ZBTB38: variants seen among roughly 807,000 people sequenced by gnomAD.
ZBTB38 encodes the protein zinc finger and BTB domain-containing protein 38.
A neutral mutation model predicts 76.8 loss-of-function variants in ZBTB38; 20 were observed. That is an observed-to-expected ratio of 0.26 (90% CI 0.18 to 0.38). The LOEUF (loss-of-function observed/expected upper bound fraction) is 0.38. ZBTB38 is among the 10% of genes least tolerant of loss of function. ZBTB38 has a pLI of 1.00. For synonymous variants in ZBTB38, 504 were observed against 544.2 expected, an observed-to-expected ratio of 0.93 and a Z score of 1.03; for missense variants, 1,082 against 1,482.3, an observed-to-expected ratio of 0.73 and a Z score of 4.43.
At chr3:141,324,351 A>G (rs1485871498) in exon 1 of ZBTB38, 1 of 152,168 alleles carries the variant, frequency 6.6e-6, no homozygotes, top group African/African-American at 2.4e-5. Context: ...AGGGTTATTC[A>G]TGCTAGAGGA....
intron 1 of ZBTB38, among the ~76,000 whole-genome samples, chr3:141,363,411 G>T (rs1943873447): frequency 6.6e-6 from 1 of 152,170 alleles, no homozygotes; most frequent in African/African-American, 2.4e-5. Context: ...AAAATCATAT[G>T]GCAATGCAAG....
chr3:141,377,374 C>T (rs74734425), intron 2 of ZBTB38, among the ~76,000 whole-genome samples: 5,180 of 152,332 alleles, frequency 0.034, 103 homozygotes, highest in Non-Finnish European at 0.044. Context: ...CAGAGCTTAA[C>T]TGCCTTCTTG....
chr3:141,446,116 A>G lies in ZBTB38; in HGVS notation c.*140A>G, dbSNP rs1466791248. ...AAAAAAACTCATTTGTGAAAATTCCAGAAAAAGGATCCTAATATCTACTTT... is the reference window on the plus strand; with the variant it reads ...AAAAAAACTCATTTGTGAAAATTCCGGAAAAAGGATCCTAATATCTACTTT... On this transcript the variant is annotated 3_prime_UTR_variant, in exon 6 of 6. Coordinates refer to ENST00000321464, the MANE Select transcript of ZBTB38 (RefSeq NM_001376113.1). The G allele has an allele frequency of 4.8e-6, 4 of 836,138 alleles. No homozygotes were observed. Among genetic ancestry groups the G allele is most frequent in the East Asian group, 2.9e-5 (1 of 34,570 alleles). The allele number at this position is 836,138 out of a possible 1,614,324, so 51.8% of individuals were successfully genotyped here.
rs997129944 is a variant in ZBTB38, at chr3:141,447,575, C to G, written c.*1599C>G. 2 of 152,552 alleles carry G rather than the reference C, an allele frequency of 1.3e-5. No homozygotes were observed. Among genetic ancestry groups the G allele is most frequent in the Non-Finnish European group, 2.9e-5 (2 of 68,020 alleles). 9.4% of individuals were successfully genotyped at this position (152,552 alleles called of 1,614,324 possible). A position where few individuals can be genotyped will look rare whatever the true frequency, so the allele number is the denominator to read the frequency against. On this transcript the variant is annotated 3_prime_UTR_variant, in exon 6 of 6. Coordinates refer to ENST00000321464, the MANE Select transcript of ZBTB38 (RefSeq NM_001376113.1). The stretch of plus-strand genomic sequence containing the variant: ...TCTACCCTTTGATCACCAGTGTGAA[C>G]AGAATCCGGAATGCAGTTTCAGCGT...
intron 5 of ZBTB38, among the ~76,000 whole-genome samples, chr3:141,414,897 C>G (rs1413739486): frequency 6.6e-6 from 1 of 152,032 alleles, no homozygotes; most frequent in Non-Finnish European, 1.5e-5. Context: ...CTTTATTGAC[C>G]TTCCACACAC....
intron 5 of ZBTB38, among the ~76,000 whole-genome samples, chr3:141,416,105 G>A (rs1472941111): frequency 6.6e-6 from 1 of 152,136 alleles, no homozygotes; most frequent in Non-Finnish European, 1.5e-5. Flanking sequence ...GCCTGCTCCT[G>A]AGAAAACAAC....
chr3:141,344,464 G>T (rs6765363), intron 1 of ZBTB38, among the ~76,000 whole-genome samples: 14,963 of 152,188 alleles, frequency 0.098, 1,349 homozygotes, highest in African/African-American at 0.24. Flanking sequence ...AACCTCCAAG[G>T]CTGAAATGAT....
rs1435989417 is a variant in ZBTB38, at chr3:141,444,883, A to G, written c.2495A>G (p.Asn832Ser). 1 of 1,614,156 alleles carries G rather than the reference A, an allele frequency of 6.2e-7. No individual in the cohort carries two copies. Among genetic ancestry groups the G allele is most frequent in the Middle Eastern group, 1.6e-4 (1 of 6,062 alleles). ...PALPGTSTNS[N>S]VAPLCQITVK... ...CTGCCGGGAACCTCCACAAATAGTAATGTTGCACCCCTTTGCCAAATAACA... is the reference window on the plus strand; with the variant it reads ...CTGCCGGGAACCTCCACAAATAGTAGTGTTGCACCCCTTTGCCAAATAACA... Residue 832 changes from asparagine to serine, a missense_variant, in exon 6 of 6, where the codon AAT (asparagine) becomes AGT (serine). Asn to Ser is a conservative substitution (Grantham distance 46, BLOSUM62 1). Coordinates refer to ENST00000321464, the MANE Select transcript of ZBTB38 (RefSeq NM_001376113.1). The surrounding 1 kb of genome is among the most constrained non-coding windows in gnomAD (Gnocchi z 5.1).
rs891927728 is a variant in ZBTB38 at position 141,443,842 on chromosome 3, G to A, written c.1454G>A (p.Arg485Lys). 3 of 1,613,932 alleles carry A rather than the reference G, an allele frequency of 1.9e-6. No homozygotes were observed. The highest frequency in any genetic ancestry group is 2.7e-5 in the African/African-American group (2 of 74,932). Residue 485 changes from arginine (R) to lysine (K), a missense_variant, in exon 6 of 6, where the codon AGA becomes AAA. Coordinates refer to ENST00000321464, the MANE Select transcript of ZBTB38 (RefSeq NM_001376113.1). This position sits in a 1 kb window ranked among gnomAD's most constrained non-coding sequence, Gnocchi z 5.6. Reference protein sequence around the residue: ...LRRHANVHSWRRTYPCHYCNK... With the variant: ...LRRHANVHSWKRTYPCHYCNK... ...AGACATGCAAATGTTCACTCCTGGA[G>A]AAGAACATATCCTTGCCATTACTGC...
intron 5 of ZBTB38, among the ~76,000 whole-genome samples, chr3:141,435,637 G>A (rs763818815): frequency 1.8e-4 from 27 of 151,942 alleles, no homozygotes; most frequent in Non-Finnish European, 3.5e-4. Flanking sequence ...GCACACACCT[G>A]TAATCCCAGC....
intron 1 of ZBTB38, among the ~76,000 whole-genome samples, chr3:141,360,867 C>T (rs1020439820): frequency 6.6e-6 from 1 of 152,136 alleles, no homozygotes; most frequent in Non-Finnish European, 1.5e-5. Context: ...AGGGGGCAAA[C>T]GCACCCCTGG....
chr3:141,355,317 G>A (rs533283677), intron 1 of ZBTB38, among the ~76,000 whole-genome samples: 1 of 152,112 alleles, frequency 6.6e-6, no homozygotes, highest in Non-Finnish European at 1.5e-5. Context: ...TTGGGAAATA[G>A]TCTAATATCC....
chr3:141,421,955 C>T (rs1577290857), intron 5 of ZBTB38, among the ~76,000 whole-genome samples: 1 of 152,198 alleles, frequency 6.6e-6, no homozygotes, highest in Admixed American at 6.5e-5. Context: ...GCACTGTGAA[C>T]TGGGGATGGG....
intron 4 of ZBTB38, chr3:141,388,304 C>T (rs890899362): frequency 1.3e-5 from 2 of 151,928 alleles, no homozygotes; most frequent in Non-Finnish European, 2.9e-5. Flanking sequence ...GGTCTTTAAA[C>T]GTGTTTATGA....
chr3:141,386,172 C>G (rs1400813391), intron 3 of ZBTB38: 1 of 152,092 alleles, frequency 6.6e-6, no homozygotes, highest in South Asian at 2.1e-4. Flanking sequence ...GTGTTCTGAA[C>G]GCATACAGTA....
At chr3:141,342,112 T>A (rs1445108476) in intron 1 of ZBTB38, among the ~76,000 whole-genome samples, 1 of 151,970 alleles carries the variant, frequency 6.6e-6, no homozygotes, top group Non-Finnish European at 1.5e-5. Flanking sequence ...GGATCACGAG[T>A]TCAGGAGATC....
intron 1 of ZBTB38, among the ~76,000 whole-genome samples, chr3:141,327,566 A>G (rs1049615421): frequency 6.6e-6 from 1 of 152,242 alleles, no homozygotes; most frequent in Non-Finnish European, 1.5e-5. Flanking sequence ...GTCAAAGCCC[A>G]GAGGAGCCTA....
intron 4 of ZBTB38, chr3:141,402,418 G>A (rs970925187): frequency 2.0e-5 from 3 of 151,604 alleles, no homozygotes; most frequent in Non-Finnish European, 2.9e-5. Flanking sequence ...GACCCCCGGG[G>A]AAACGCGCCG....
intron 2 of ZBTB38, among the ~76,000 whole-genome samples, chr3:141,376,659 T>C (rs1195840450): frequency 6.6e-6 from 1 of 152,240 alleles, no homozygotes; most frequent in Non-Finnish European, 1.5e-5. Flanking sequence ...CTGCACAACT[T>C]TCTTGAGTGA....
Sources: allele counts gnomAD v4.1 joint callset (sites outside exome capture counted in the v4.1 genomes callset), GRCh38; gene constraint gnomAD v4.1.1; non-coding constraint Gnocchi (gnomAD v3.1); transcripts MANE v1.5; gene names NCBI Gene and HGNC (gene_info 2026-07-23, HGNC 2026-07-21).